TRAPPC9: variants seen among roughly 807,000 people sequenced by gnomAD.
The protein encoded by TRAPPC9 is IKK2 binding protein.
A neutral mutation model predicts 124.0 loss-of-function variants in TRAPPC9; 83 were observed. The ratio of observed to expected loss-of-function variants is 0.67; its 90% CI spans 0.56 to 0.80. The LOEUF is 0.80. TRAPPC9 is among the 30% of genes least tolerant of loss of function. The pLI is 0.00. For missense variants in TRAPPC9, 1,302 were observed against 1,508.3 expected (o/e 0.86, Z 2.27); for synonymous variants, 638 against 617.5 (o/e 1.03, Z -0.49).
At chr8:140,157,702 AAAG>A (rs1343135508) in intron 17 of TRAPPC9, among the ~76,000 whole-genome samples, 2 of 152,210 alleles carry the variant, frequency 1.3e-5, no homozygotes, top group African/African-American at 4.8e-5. Flanking sequence ...TTAAAAAAAA[AAAG>A]GAGGGGGTTC....
intron 7 of TRAPPC9, among the ~76,000 whole-genome samples, chr8:140,386,069 C>T (rs984930037): frequency 1.6e-4 from 25 of 152,116 alleles, no homozygotes; most frequent in African/African-American, 4.3e-4. Flanking sequence ...ACAAAAACTA[C>T]CTGATTATCT....
At chr8:140,195,002 G>A (rs1175544383) in intron 17 of TRAPPC9, among the ~76,000 whole-genome samples, 2 of 151,258 alleles carry the variant, frequency 1.3e-5, no homozygotes, top group Non-Finnish European at 2.9e-5. Context: ...AGGTTCTACT[G>A]TACAGATCAC....
At chr8:139,994,610 A>T (rs1837851360) in intron 18 of TRAPPC9, among the ~76,000 whole-genome samples, 1 of 152,250 alleles carries the variant, frequency 6.6e-6, no homozygotes. Flanking sequence ...TATGAGGCAG[A>T]GCATAAGACA....
chr8:139,822,044 G>A (rs374131036), intron 21 of TRAPPC9, among the ~76,000 whole-genome samples: 33 of 152,288 alleles, frequency 2.2e-4, no homozygotes, highest in African/African-American at 5.3e-4. Context: ...CCTTTCAGTC[G>A]TGATGGCTTT....
At chr8:140,288,748 G>A (rs929306757) in intron 12 of TRAPPC9, among the ~76,000 whole-genome samples, 1 of 152,154 alleles carries the variant, frequency 6.6e-6, no homozygotes, top group Non-Finnish European at 1.5e-5. Flanking sequence ...AAGCAATTGG[G>A]TAAAATATCA....
In TRAPPC9 at chr8:139,738,773, C is replaced by T. The variant is rs1305991899; in HGVS notation, c.3056-6571G>A. 2.0e-5 allele frequency among the ~76,000 whole-genome samples: 3 copies of T among 152,310 alleles called. No homozygotes were observed. The East Asian group carries it at 5.8e-4, about 29-fold the overall frequency. The stretch of plus-strand genomic sequence containing the variant: ...GAGCCCCCAAGGGGCCCCAGTCAGC[C>T]TCAGGGCCACCACTTCCCAGGCCAC... On this transcript the variant is annotated intron_variant, in intron 21 of 22. Coordinates refer to ENST00000438773, the MANE Select transcript of TRAPPC9 (RefSeq NM_001160372.4).
chr8:140,346,462 A>C (rs962362814), intron 9 of TRAPPC9, among the ~76,000 whole-genome samples: 4 of 152,202 alleles, frequency 2.6e-5, no homozygotes, highest in African/African-American at 7.2e-5. Flanking sequence ...CGTCAAACAC[A>C]TCCTTTGGAG....
chr8:140,164,229 T>C (rs372032539), intron 17 of TRAPPC9, among the ~76,000 whole-genome samples: 6 of 152,230 alleles, frequency 3.9e-5, no homozygotes, highest in African/African-American at 1.4e-4. Context: ...AAAGAGGGAC[T>C]GCATCTGCTG....
At chr8:139,801,658 G>A (rs951020318) in intron 21 of TRAPPC9, among the ~76,000 whole-genome samples, 11 of 152,226 alleles carry the variant, frequency 7.2e-5, no homozygotes, top group Admixed American at 7.2e-4. Flanking sequence ...CAGCCAGGAG[G>A]CACTGTGGCT....
chr8:139,988,733 A>T lies in TRAPPC9; in HGVS notation c.2803T>A (p.Cys935Ser), dbSNP rs1342568626. 2.8e-5 allele frequency: 43 copies of T among 1,549,404 alleles called. No homozygotes were observed. The highest frequency in any genetic ancestry group is 3.8e-5 in the Non-Finnish European group (43 of 1,146,200). ...GGTCTATGGGACACTTACCGCTGGC[A>T]CTCACCGGCGTGCAGGATGAGTGCC... ...SEALILHAGECQRMAIQVDKF... is the reference protein window; with the variant it reads ...SEALILHAGESQRMAIQVDKF... Residue 935 changes from cysteine to serine, a missense_variant, in exon 19 of 23, where the codon TGC becomes AGC. Cys to Ser is a moderately radical substitution (Grantham distance 112, BLOSUM62 -1). Transcript: ENST00000438773.
intron 17 of TRAPPC9, among the ~76,000 whole-genome samples, chr8:140,044,793 C>T (rs573936260): frequency 6.6e-6 from 1 of 152,318 alleles, no homozygotes; most frequent in Non-Finnish European, 1.5e-5. Context: ...TCCTAATGCA[C>T]AGCTGCAAAA....
At chr8:139,808,504 A>C (rs1330937602) in intron 21 of TRAPPC9, among the ~76,000 whole-genome samples, 1 of 152,172 alleles carries the variant, frequency 6.6e-6, no homozygotes, top group African/African-American at 2.4e-5. Context: ...AATATATCAC[A>C]ACCATCAGCA....
Position 140,291,047 on chromosome 8 carries a change from T to C in TRAPPC9, c.1800A>G (p.Glu600=). 1 of 1,614,254 alleles carries C rather than the reference T, an allele frequency of 6.2e-7. No individual in the cohort carries two copies. The highest frequency in any genetic ancestry group is 8.5e-7 in the Non-Finnish European group (1 of 1,180,048). The change falls in exon 12 of 23, where the codon GAA becomes GAG. Residue 600 remains glutamate (E), a synonymous_variant. Transcript: ENST00000438773. The part of the protein sequence containing the change: ...DFQWVQGDVC[E]VQLMVYNPMP... ...TTGGGTTATATACCATCAGCTGAAC[T>C]TCACACACATCTCCTTGAACCCACT...
intron 14 of TRAPPC9, among the ~76,000 whole-genome samples, chr8:140,280,411 GT>G (rs1324711073): frequency 6.6e-6 from 1 of 152,038 alleles, no homozygotes; most frequent in African/African-American, 2.4e-5. Flanking sequence ...GATACCTATT[GT>G]TTTTTTGTTT....
intron 5 of TRAPPC9, among the ~76,000 whole-genome samples, chr8:140,425,705 T>C (rs1350493667): frequency 3.3e-5 from 5 of 151,936 alleles, no homozygotes; most frequent in African/African-American, 1.2e-4. Context: ...ACATTCAACA[T>C]CCATTTCATT....
At chr8:140,296,669 G>T (rs1185391494) in intron 11 of TRAPPC9, among the ~76,000 whole-genome samples, 1 of 152,218 alleles carries the variant, frequency 6.6e-6, no homozygotes, top group Non-Finnish European at 1.5e-5. Context: ...TTCACGCTCT[G>T]CTGTTGCTGT....
chr8:140,122,524 C>A (rs549717266), intron 17 of TRAPPC9, among the ~76,000 whole-genome samples: 1 of 152,208 alleles, frequency 6.6e-6, no homozygotes, highest in African/African-American at 2.4e-5. Flanking sequence ...CTATTTATTA[C>A]CTCTGTGACT....
At chr8:140,073,255 A>C (rs552405589) in intron 17 of TRAPPC9, among the ~76,000 whole-genome samples, 6 of 152,372 alleles carry the variant, frequency 3.9e-5, no homozygotes, top group African/African-American at 1.4e-4. Flanking sequence ...CAACAAAATT[A>C]CTTGAAAAAT....
chr8:139,964,441 TG>T (rs1460188028), intron 19 of TRAPPC9, among the ~76,000 whole-genome samples: 8 of 152,152 alleles, frequency 5.3e-5, no homozygotes, highest in African/African-American at 1.9e-4. Context: ...TCCTCCGCCT[TG>T]GAGAAGATTC....
Sources: allele counts gnomAD v4.1 joint callset (sites outside exome capture counted in the v4.1 genomes callset), GRCh38; gene constraint gnomAD v4.1.1; transcripts MANE v1.5; gene names NCBI Gene and HGNC (gene_info 2026-07-23, HGNC 2026-07-21).